The following AK9 variants were observed in gnomAD, a reference collection of about 807,000 sequenced individuals.
AK9 encodes the protein adenylate kinase domain containing 1.
In AK9, 191 loss-of-function variants were observed where a neutral mutation model predicts 239.6. The observed-to-expected ratio is 0.80, with a 90% CI of 0.71 to 0.90. The LOEUF is 0.90. Ranked by LOEUF, AK9 falls within the 40% of genes least tolerant of loss-of-function variation. The pLI is 0.00. For missense variants in AK9, 1,995 were observed against 2,214.7 expected (o/e 0.90, Z 1.99); for synonymous variants, 689 against 721.0 (o/e 0.96, Z 0.71).
chr6:109,567,798 G>A (rs865952308), intron 21 of AK9, among the ~76,000 whole-genome samples: 1 of 150,144 alleles, frequency 6.7e-6, no homozygotes, highest in Non-Finnish European at 1.5e-5. Flanking sequence ...CGAGTTAATG[G>A]GTGCAGCACA....
chr6:109,535,861 G>C (rs1334994497), intron 27 of AK9, among the ~76,000 whole-genome samples: 1 of 152,138 alleles, frequency 6.6e-6, no homozygotes, highest in Non-Finnish European at 1.5e-5. Context: ...ATTAAATAGG[G>C]AATCCTTTCC....
chr6:109,621,116 A>C (rs1164224999), intron 12 of AK9, among the ~76,000 whole-genome samples: 4 of 146,814 alleles, frequency 2.7e-5, no homozygotes, highest in Non-Finnish European at 6.0e-5. Context: ...GAAGACATTT[A>C]TGCAGCCAAA....
At chr6:109,676,970 T>C (rs185790139) in intron 1 of AK9, among the ~76,000 whole-genome samples, 111 of 152,270 alleles carry the variant, frequency 7.3e-4, no homozygotes, top group Admixed American at 3.7e-3. Flanking sequence ...GCCATTATCC[T>C]AAGCAAACTA....
intron 8 of AK9, among the ~76,000 whole-genome samples, chr6:109,651,946 C>T (rs1305126763): frequency 5.9e-5 from 9 of 152,080 alleles, no homozygotes; most frequent in East Asian, 1.9e-4. Flanking sequence ...CAGGACCTGA[C>T]GGATTCACAG....
At position 109,550,074 on chromosome 6, in the gene AK9, A is replaced by G. The variant is rs1230141418; in HGVS notation, c.2964+16T>C. 2 of 1,610,794 alleles carry G rather than the reference A, an allele frequency of 1.2e-6. No individual in the cohort carries two copies. The highest frequency in any genetic ancestry group is 1.7e-5 in the Admixed American group (1 of 59,534). On this transcript the variant is annotated intron_variant, in intron 25 of 40. Transcript: ENST00000424296. ...ATCCTGTGGGAGCAATCATTAAGAT[A>G]GGAATACTGTCTCACCTTCAATGGT...
At chr6:109,572,173 C>A (rs1004026251) in intron 21 of AK9, among the ~76,000 whole-genome samples, 2 of 152,102 alleles carry the variant, frequency 1.3e-5, no homozygotes, top group Non-Finnish European at 2.9e-5. Flanking sequence ...AATGAATGTG[C>A]GCCTAGGCAT....
At chr6:109,615,727 A>C (rs974617825) in intron 13 of AK9, among the ~76,000 whole-genome samples, 19 of 152,290 alleles carry the variant, frequency 1.2e-4, no homozygotes, top group African/African-American at 4.6e-4. Flanking sequence ...CATCTAGCAA[A>C]AACTCAACAC....
chr6:109,675,074 T>C (rs1771509099), intron 2 of AK9, among the ~76,000 whole-genome samples: 1 of 152,178 alleles, frequency 6.6e-6, no homozygotes. Flanking sequence ...GCCTGAGGCA[T>C]GGTGCCTCTC....
intron 12 of AK9, among the ~76,000 whole-genome samples, chr6:109,622,914 T>C (rs1276803653): frequency 2.0e-5 from 3 of 152,062 alleles, no homozygotes; most frequent in East Asian, 3.8e-4. Flanking sequence ...GTTATACTCT[T>C]ACTAGCAGTC....
chr6:109,499,882 G>A (rs1348618415), intron 35 of AK9, among the ~76,000 whole-genome samples: 1 of 152,166 alleles, frequency 6.6e-6, no homozygotes, highest in African/African-American at 2.4e-5. Context: ...TTACAGGCAT[G>A]AGCCTTCCGT....
chr6:109,666,912 G>T (rs1478170698), intron 5 of AK9, among the ~76,000 whole-genome samples: 1 of 152,154 alleles, frequency 6.6e-6, no homozygotes, highest in Non-Finnish European at 1.5e-5. Flanking sequence ...GATATACTCG[G>T]GGCAGGGAAT....
chr6:109,685,377 C>T (rs1004813975), intron 1 of AK9, among the ~76,000 whole-genome samples: 5 of 152,132 alleles, frequency 3.3e-5, no homozygotes, highest in Non-Finnish European at 7.3e-5. Context: ...GGCATATATA[C>T]ACCATGGAAT....
chr6:109,689,635 T>A (rs1373864502), intron 1 of AK9, among the ~76,000 whole-genome samples: 2 of 152,370 alleles, frequency 1.3e-5, no homozygotes, highest in East Asian at 3.9e-4. Flanking sequence ...TCTCTGGTAA[T>A]ATTTCCTTTA....
At chr6:109,640,840 G>A (rs1797335331) in intron 10 of AK9, among the ~76,000 whole-genome samples, 1 of 152,132 alleles carries the variant, frequency 6.6e-6, no homozygotes, top group African/African-American at 2.4e-5. Flanking sequence ...CATCACATAT[G>A]TAGCACATCA....
intron 26 of AK9, among the ~76,000 whole-genome samples, chr6:109,545,518 C>G (rs1421640823): frequency 6.6e-6 from 1 of 152,326 alleles, no homozygotes; most frequent in African/African-American, 2.4e-5. Context: ...TTTCCCTGCA[C>G]AAGCTCTCTC....
At chr6:109,528,443 A>C in intron 29 of AK9, 1 of 412,106 alleles carries the variant, frequency 2.4e-6, no homozygotes, top group Non-Finnish European at 4.9e-6. Flanking sequence ...TGAATGAATA[A>C]ATGAATGAAA....
chr6:109,666,402 A>T (rs915935979), intron 5 of AK9, among the ~76,000 whole-genome samples: 1 of 152,052 alleles, frequency 6.6e-6, no homozygotes, highest in Non-Finnish European at 1.5e-5. Context: ...CCTCGCTCCC[A>T]CCCCACATGT....
intron 17 of AK9, among the ~76,000 whole-genome samples, chr6:109,603,773 A>G (rs1792432499): frequency 6.6e-6 from 1 of 152,154 alleles, no homozygotes; most frequent in African/African-American, 2.4e-5. Context: ...CAGCGATGGC[A>G]GGCGCCCCTC....
chr6:109,627,454 T>C (rs955013219), intron 12 of AK9, among the ~76,000 whole-genome samples: 1 of 152,236 alleles, frequency 6.6e-6, no homozygotes, highest in African/African-American at 2.4e-5. Flanking sequence ...CTGTACATGA[T>C]TGTATGTGCT....
Sources: allele counts gnomAD v4.1 joint callset (sites outside exome capture counted in the v4.1 genomes callset), GRCh38; gene constraint gnomAD v4.1.1; transcripts MANE v1.5; gene names NCBI Gene and HGNC (gene_info 2026-07-23, HGNC 2026-07-21).